Variants in IL1RAPL2 observed in about 807,000 individuals in gnomAD.
The protein encoded by IL1RAPL2 is X-linked interleukin-1 receptor accessory protein-like 2.
In IL1RAPL2, 3 loss-of-function variants were observed where a neutral mutation model predicts 44.1. The observed-to-expected ratio is 0.07, with a 90% CI of 0.03 to 0.18. The LOEUF (loss-of-function observed/expected upper bound fraction) is 0.18, where lower values mean the gene tolerates loss of function less well. IL1RAPL2 is among the 10% of genes least tolerant of loss of function. The pLI, the probability that IL1RAPL2 is intolerant of heterozygous loss-of-function variation, is 1.00. For synonymous variants in IL1RAPL2, 181 were observed against 178.8 expected (o/e 1.01, Z -0.10); for missense variants, 391 against 496.4 (o/e 0.79, Z 2.02).
At chrX:104,927,161 A>C (rs896488123) in intron 2 of IL1RAPL2, among the ~76,000 whole-genome samples, 1 of 111,883 alleles carries the variant, frequency 8.9e-6, no homozygotes, top group East Asian at 2.8e-4. Flanking sequence ...AATTTCTCCT[A>C]TTGAAGATAA....
intron 1 of IL1RAPL2, among the ~76,000 whole-genome samples, chrX:104,630,080 T>C: frequency 9.1e-6 from 1 of 110,495 alleles, no homozygotes; most frequent in East Asian, 2.8e-4. Flanking sequence ...ACCTCCCTGG[T>C]TCAAGCAATT....
chrX:105,402,965 C>T lies in IL1RAPL2; in HGVS notation c.698-81348C>T, dbSNP rs1485902846. Reference sequence around the variant, plus strand: ...CTCTTATTACCTGTTCTACTCTAAGCTTTGCAAATCTTGAAAATCCTAAAA... The same window carrying T: ...CTCTTATTACCTGTTCTACTCTAAGTTTTGCAAATCTTGAAAATCCTAAAA... On this transcript the variant is annotated intron_variant, in intron 5 of 10. Coordinates refer to ENST00000372582, the MANE Select transcript of IL1RAPL2 (RefSeq NM_017416.2). Among the ~76,000 whole-genome samples, 3 of 111,878 alleles carry T rather than the reference C, an allele frequency of 2.7e-5. No homozygotes were observed. The South Asian group carries it at 1.1e-3, about 41-fold the overall frequency.
intron 2 of IL1RAPL2, among the ~76,000 whole-genome samples, chrX:104,766,327 G>T (rs1402532530): frequency 8.9e-6 from 1 of 111,810 alleles, no homozygotes. Flanking sequence ...TAAGGGAAAA[G>T]ATAAAAATCC....
At chrX:105,710,605 A>C (rs2038201662) in intron 6 of IL1RAPL2, among the ~76,000 whole-genome samples, 1 of 110,577 alleles carries the variant, frequency 9.0e-6, no homozygotes, top group African/African-American at 3.3e-5. Flanking sequence ...AGGGCTTTAT[A>C]AAATCACTCT....
intron 1 of IL1RAPL2, among the ~76,000 whole-genome samples, chrX:104,651,313 G>A (rs987917833): frequency 1.2e-4 from 13 of 111,634 alleles, no homozygotes; most frequent in African/African-American, 3.6e-4. Flanking sequence ...ATAGGGAGGG[G>A]TGAATTAAAT....
chrX:104,668,709 T>C (rs1295760552), intron 2 of IL1RAPL2, among the ~76,000 whole-genome samples: 1 of 109,160 alleles, frequency 9.2e-6, no homozygotes, highest in Non-Finnish European at 1.9e-5. Flanking sequence ...GTAAAGGAAC[T>C]TGTTTCTGGT....
chrX:105,388,437 TG>T (rs1352023387), intron 5 of IL1RAPL2, among the ~76,000 whole-genome samples: 1 of 103,190 alleles, frequency 9.7e-6, no homozygotes, highest in African/African-American at 3.6e-5. Flanking sequence ...TGAATTGTTG[TG>T]AGCACAAATT....
chrX:104,733,480 G>T (rs1931959221), intron 2 of IL1RAPL2, among the ~76,000 whole-genome samples: 1 of 108,829 alleles, frequency 9.2e-6, no homozygotes, highest in African/African-American at 3.3e-5. Context: ...AAAAAACCGG[G>T]GTAGTGGCAT....
intron 6 of IL1RAPL2, among the ~76,000 whole-genome samples, chrX:105,700,624 T>C (rs186056910): frequency 1.8e-5 from 2 of 111,601 alleles, no homozygotes; most frequent in East Asian, 2.9e-4. Context: ...AGCCTACTTC[T>C]ATGGCGTTGT....
chrX:105,272,668 G>A (rs2034456479), intron 5 of IL1RAPL2, among the ~76,000 whole-genome samples: 1 of 112,548 alleles, frequency 8.9e-6, no homozygotes, highest in South Asian at 3.6e-4. Context: ...AGCAATAGTA[G>A]CAAAGCAATC....
chrX:105,683,706 A>G (rs939423189), intron 6 of IL1RAPL2, among the ~76,000 whole-genome samples: 7 of 112,222 alleles, frequency 6.2e-5, no homozygotes, highest in Non-Finnish European at 1.3e-4. Flanking sequence ...CTCTGAAACT[A>G]TTACTCCTAC....
chrX:104,989,728 C>G (rs1465195319), intron 2 of IL1RAPL2, among the ~76,000 whole-genome samples: 1 of 110,189 alleles, frequency 9.1e-6, no homozygotes, highest in Non-Finnish European at 1.9e-5. Context: ...ATGTCTGTAA[C>G]TATAAAAGCA....
intron 2 of IL1RAPL2, among the ~76,000 whole-genome samples, chrX:104,696,673 A>G (rs1931188090): frequency 9.0e-6 from 1 of 111,706 alleles, no homozygotes; most frequent in Non-Finnish European, 1.9e-5. Flanking sequence ...ACCAGCCAGT[A>G]TTGGAGAGGT....
chrX:105,472,239 T>C (rs1323556272), intron 5 of IL1RAPL2, among the ~76,000 whole-genome samples: 2 of 111,935 alleles, frequency 1.8e-5, no homozygotes, highest in Non-Finnish European at 3.8e-5. Flanking sequence ...AGGATATCCT[T>C]TGAACATCGA....
At chrX:105,083,782 A>G (rs935601256) in intron 2 of IL1RAPL2, among the ~76,000 whole-genome samples, 1 of 112,118 alleles carries the variant, frequency 8.9e-6, no homozygotes, top group African/African-American at 3.2e-5. Context: ...TTTTGTCCCC[A>G]CCAGGCCTGC....
chrX:105,158,059 C>T (rs2033284442), intron 2 of IL1RAPL2, among the ~76,000 whole-genome samples: 1 of 111,877 alleles, frequency 8.9e-6, no homozygotes, highest in East Asian at 2.8e-4. Flanking sequence ...AGGCAAGGAC[C>T]CACCAGGCGC....
intron 2 of IL1RAPL2, among the ~76,000 whole-genome samples, chrX:104,737,752 A>C (rs1462903366): frequency 8.9e-6 from 1 of 111,885 alleles, no homozygotes; most frequent in East Asian, 2.8e-4. Flanking sequence ...ATAGACACCA[A>C]GCAGAGCCTA....
intron 5 of IL1RAPL2, among the ~76,000 whole-genome samples, chrX:105,276,371 G>A (rs2034486290): frequency 8.9e-6 from 1 of 112,839 alleles, no homozygotes; most frequent in Non-Finnish European, 1.9e-5. Context: ...TTGTGCCATT[G>A]CACTCCAGCC....
At chrX:105,105,617 A>G (rs779552391) in intron 2 of IL1RAPL2, among the ~76,000 whole-genome samples, 8 of 112,376 alleles carry the variant, frequency 7.1e-5, no homozygotes, top group South Asian at 3.7e-4. Context: ...ATAGTCTTTT[A>G]TGACAGAGCT....
Sources: gnomAD v4.1 joint callset for allele counts (sites outside exome capture counted in the v4.1 genomes callset) on GRCh38, gnomAD v4.1.1 for gene constraint, MANE v1.5 for transcripts, NCBI Gene and HGNC (gene_info 2026-07-23, HGNC 2026-07-21) for gene names.